NTRK3: variants seen among roughly 807,000 people sequenced by gnomAD.
The protein encoded by NTRK3 is neurotrophic receptor tyrosine kinase 3, also known as NT-3 growth factor receptor.
NTRK3 carries 24 observed loss-of-function variants against 91.7 expected under a neutral mutation model. The ratio of observed to expected loss-of-function variants is 0.26; its 90% CI spans 0.19 to 0.37. NTRK3 has a LOEUF of 0.37. NTRK3 is among the 10% of genes least tolerant of loss of function. The pLI is 1.00. For missense variants in NTRK3, 880 were observed against 1,068.9 expected, an observed-to-expected ratio of 0.82 and a Z score of 2.46; for synonymous variants, 483 against 404.0, an observed-to-expected ratio of 1.20 and a Z score of -2.34.
At chr15:88,127,727 T>C (rs976895977) in intron 11 of NTRK3, among the ~76,000 whole-genome samples, 1 of 152,136 alleles carries the variant, frequency 6.6e-6, no homozygotes, top group Non-Finnish European at 1.5e-5. Context: ...CCAGGAGGCC[T>C]GGGGATCCAT....
intron 5 of NTRK3, among the ~76,000 whole-genome samples, chr15:88,170,286 G>C (rs148132936): frequency 1.3e-5 from 2 of 152,194 alleles, no homozygotes; most frequent in Non-Finnish European, 2.9e-5. Flanking sequence ...ATTTGCATCA[G>C]CAACATTTTT....
intron 17 of NTRK3, among the ~76,000 whole-genome samples, chr15:87,898,225 G>A (rs2066244609): frequency 6.6e-6 from 1 of 152,216 alleles, no homozygotes; most frequent in Admixed American, 6.5e-5. Flanking sequence ...ATGTATGGAT[G>A]AGAAACCACT....
intron 5 of NTRK3, among the ~76,000 whole-genome samples, chr15:88,172,165 C>T (rs1331267139): frequency 6.6e-6 from 1 of 152,188 alleles, no homozygotes; most frequent in Non-Finnish European, 1.5e-5. Flanking sequence ...CAAGCCCCAA[C>T]AGGCAAAGGG....
intron 14 of NTRK3, among the ~76,000 whole-genome samples, chr15:87,984,028 G>T (rs1445767122): frequency 6.6e-6 from 1 of 152,140 alleles, no homozygotes; most frequent in African/African-American, 2.4e-5. Flanking sequence ...ACTCTGTCTG[G>T]TCACGGACCC....
intron 14 of NTRK3, among the ~76,000 whole-genome samples, chr15:87,980,866 G>C (rs549788140): frequency 6.6e-6 from 1 of 152,214 alleles, no homozygotes; most frequent in African/African-American, 2.4e-5. Flanking sequence ...ACATTTCTGA[G>C]ACAGCATCCC....
At chr15:87,925,286 G>A (rs2068197845) in intron 17 of NTRK3, among the ~76,000 whole-genome samples, 1 of 152,276 alleles carries the variant, frequency 6.6e-6, no homozygotes, top group East Asian at 1.9e-4. Context: ...TAAATCGTCT[G>A]TATACCACTT....
At chr15:87,899,609 A>G (rs2066331998) in intron 17 of NTRK3, among the ~76,000 whole-genome samples, 1 of 152,168 alleles carries the variant, frequency 6.6e-6, no homozygotes, top group South Asian at 2.1e-4. Flanking sequence ...CTGCCAACAG[A>G]AAATGCCAGA....
chr15:87,894,087 A>G lies in NTRK3; in HGVS notation c.2134-13659T>C, dbSNP rs192549550. Among the ~76,000 whole-genome samples the G allele has an allele frequency of 1.6e-4, 25 of 152,358 alleles. No individual in the cohort carries two copies. In the East Asian group the frequency reaches 4.6e-3, roughly 28 times the overall value. On this transcript the variant is annotated intron_variant, in intron 17 of 18. Transcript: ENST00000394480. ...TTTAATCTTTCTTGATTCCATGTCT[A>G]TTCACATAGAAAAGTGGTTATGTGC... is the stretch of plus-strand genomic sequence containing the variant.
At chr15:88,212,390 A>G (rs774930378) in intron 3 of NTRK3, among the ~76,000 whole-genome samples, 15 of 152,132 alleles carry the variant, frequency 9.9e-5, no homozygotes, top group Non-Finnish European at 1.8e-4. Flanking sequence ...AATAAAATAA[A>G]AAGTCTCTAA....
At chr15:87,893,969 C>A (rs1230776288) in intron 17 of NTRK3, among the ~76,000 whole-genome samples, 1 of 152,128 alleles carries the variant, frequency 6.6e-6, no homozygotes, top group Non-Finnish European at 1.5e-5. Context: ...AGTGGTAAAA[C>A]CTTGGCAACA....
intron 14 of NTRK3, among the ~76,000 whole-genome samples, chr15:87,994,723 A>C (rs1271902707): frequency 6.6e-6 from 1 of 152,232 alleles, no homozygotes; most frequent in Non-Finnish European, 1.5e-5. Flanking sequence ...TGGCAGGAAC[A>C]TAAGGCAGGA....
rs191271382 is a variant in NTRK3 at position 88,008,288 on chromosome 15, T to C, written c.1585+24569A>G. 2.6e-5 allele frequency among the ~76,000 whole-genome samples: 4 copies of C among 152,298 alleles called. No individual in the cohort carries two copies. The East Asian group carries it at 7.7e-4, about 29-fold the overall frequency. ...AAGGAAAGTGGGGCACACCTGGTTC[T>C]ATTTCTACCAATGCCACCAACTCAC... is the stretch of plus-strand genomic sequence containing the variant. On this transcript the variant is annotated intron_variant, in intron 14 of 18. Coordinates refer to ENST00000394480, the Ensembl canonical transcript of NTRK3.
At chr15:88,173,753 T>G (rs527327751) in intron 5 of NTRK3, among the ~76,000 whole-genome samples, 1 of 152,204 alleles carries the variant, frequency 6.6e-6, no homozygotes. Context: ...GGTTCCTGAA[T>G]TGAAAACAGC....
chr15:87,911,541 C>T (rs954009389), intron 17 of NTRK3, among the ~76,000 whole-genome samples: 2 of 152,198 alleles, frequency 1.3e-5, no homozygotes, highest in African/African-American at 2.4e-5. Context: ...GGGTAACTTC[C>T]TGCAGCACTG....
rs569694694 is a variant in NTRK3 at position 88,103,112 on chromosome 15, T to C, written c.1396+23159A>G. On this transcript the variant is annotated intron_variant, in intron 13 of 18. Transcript: ENST00000394480. ...CTCAAGGAGGTTAGGCAAGGATGGT[T>C]AGTTTTATGTGTCAACTTGGCTAGA... is the stretch of plus-strand genomic sequence containing the variant. Among the ~76,000 whole-genome samples, 8 of 152,346 alleles carry C rather than the reference T, an allele frequency of 5.3e-5. No individual in the cohort carries two copies. The South Asian group carries it at 1.7e-3, about 32-fold the overall frequency.
At chr15:88,026,662 T>C (rs2078066394) in intron 14 of NTRK3, among the ~76,000 whole-genome samples, 1 of 152,208 alleles carries the variant, frequency 6.6e-6, no homozygotes, top group Non-Finnish European at 1.5e-5. Flanking sequence ...TCAATAGTGG[T>C]TCACCAATTG....
At chr15:88,157,635 G>A (rs1049721785) in intron 5 of NTRK3, among the ~76,000 whole-genome samples, 14 of 152,030 alleles carry the variant, frequency 9.2e-5, no homozygotes, top group African/African-American at 3.1e-4. Context: ...TCAGAACCTC[G>A]CAGAACATGG....
intron 3 of NTRK3, among the ~76,000 whole-genome samples, chr15:88,236,769 A>T (rs868386144): frequency 5.8e-5 from 8 of 137,048 alleles, no homozygotes; most frequent in South Asian, 4.6e-4. Flanking sequence ...TACCAAAATT[A>T]AAAAAAAAAA....
At chr15:87,862,945 A>G in exon 19 of NTRK3, 1 of 230,608 alleles carries the variant, frequency 4.3e-6, no homozygotes. Flanking sequence ...TTGCCTCCAG[A>G]TGCACACTGA....
Sources: gnomAD v4.1 joint callset for allele counts (sites outside exome capture counted in the v4.1 genomes callset) on GRCh38, gnomAD v4.1.1 for gene constraint, MANE v1.5 for transcripts, NCBI Gene and HGNC (gene_info 2026-07-23, HGNC 2026-07-21) for gene names.